The following FAM117B variants were observed in gnomAD, a reference collection of about 807,000 sequenced individuals.
FAM117B encodes protein FAM117B.
A neutral mutation model predicts 52.8 loss-of-function variants in FAM117B; 22 were observed. The observed-to-expected ratio is 0.42, with a 90% CI of 0.30 to 0.59. The LOEUF (loss-of-function observed/expected upper bound fraction) is 0.59. Among genes scored for constraint, FAM117B ranks in the 20% least tolerant of loss-of-function variants. The pLI is 0.22. For synonymous variants in FAM117B, 309 were observed against 324.1 expected (o/e 0.95, Z 0.50); for missense variants, 678 against 802.6 (o/e 0.84, Z 1.88).
intron 1 of FAM117B, among the ~76,000 whole-genome samples, chr2:202,648,182 A>G (rs1689897981): frequency 1.3e-5 from 2 of 152,180 alleles, no homozygotes; most frequent in Admixed American, 6.5e-5. Context: ...GTTTCTTTGT[A>G]TAATTCCAGA....
Position 202,757,088 on chromosome 2 carries a change from A to G in FAM117B, c.1105-125A>G. 6 of 966,714 alleles carry G rather than the reference A, an allele frequency of 6.2e-6. No homozygotes were observed. The East Asian group carries it at 1.1e-4, about 17-fold the overall frequency. The allele number at this position is 966,714 out of a possible 1,614,324, so 59.9% of individuals were successfully genotyped here. A position where few individuals can be genotyped will look rare whatever the true frequency, so the allele number is the denominator to read the frequency against. On this transcript the variant is annotated intron_variant, in intron 5 of 7. Transcript: ENST00000392238. ...CACTAACGTGCAACATGAAATCCTAATAAGTAGGAAGGGATTTCTGATTTG... is the reference window on the plus strand; with the variant it reads ...CACTAACGTGCAACATGAAATCCTAGTAAGTAGGAAGGGATTTCTGATTTG...
intron 2 of FAM117B, among the ~76,000 whole-genome samples, chr2:202,716,418 T>C (rs1180402422): frequency 6.6e-6 from 1 of 152,208 alleles, no homozygotes; most frequent in East Asian, 1.9e-4. Flanking sequence ...TCCTGCCATT[T>C]TGTTATTTGT....
intron 1 of FAM117B, among the ~76,000 whole-genome samples, chr2:202,670,319 C>T (rs1054255014): frequency 1.4e-5 from 2 of 144,430 alleles, no homozygotes; most frequent in African/African-American, 5.5e-5. Context: ...GAGATGGAGT[C>T]TAGCTTGTCA....
chr2:202,682,951 C>T (rs1213972912), intron 1 of FAM117B, among the ~76,000 whole-genome samples: 1 of 152,124 alleles, frequency 6.6e-6, no homozygotes, highest in Admixed American at 6.5e-5. Flanking sequence ...ATTTAAGCAC[C>T]TACCTTAATC....
chr2:202,758,600 T>G lies in FAM117B; in HGVS notation c.1331-633T>G, dbSNP rs77936959. 2.8e-3 allele frequency among the ~76,000 whole-genome samples: 420 copies of G among 152,310 alleles called. 2 individuals are homozygous for G. Among genetic ancestry groups the G allele is most frequent in the Admixed American group, 4.1e-3 (63 of 15,286 alleles). On this transcript the variant is annotated intron_variant, in intron 6 of 7. Coordinates refer to ENST00000392238, the MANE Select transcript of FAM117B (RefSeq NM_173511.4). ...GAACAGATATTTAACATATTAAAAT[T>G]TTTAAGTTAATATAAATTGAGGATA... is the stretch of plus-strand genomic sequence containing the variant.
intron 1 of FAM117B, among the ~76,000 whole-genome samples, chr2:202,671,852 A>G (rs1044569794): frequency 1.3e-5 from 2 of 152,124 alleles, no homozygotes; most frequent in African/African-American, 4.8e-5. Context: ...ATGGTTTATC[A>G]TGTTCAATAT....
chr2:202,738,352 A>G (rs1241822041), intron 4 of FAM117B, among the ~76,000 whole-genome samples: 1 of 152,156 alleles, frequency 6.6e-6, no homozygotes, highest in Non-Finnish European at 1.5e-5. Context: ...AATCAGAACA[A>G]CCTACTTATA....
intron 1 of FAM117B, among the ~76,000 whole-genome samples, chr2:202,665,141 C>T (rs571348054): frequency 2.6e-5 from 4 of 151,454 alleles, no homozygotes; most frequent in East Asian, 3.9e-4. Context: ...AGCTCTGAGG[C>T]GGCTCTCATA....
At chr2:202,644,293 T>C (rs968707210) in intron 1 of FAM117B, among the ~76,000 whole-genome samples, 1 of 152,156 alleles carries the variant, frequency 6.6e-6, no homozygotes, top group Non-Finnish European at 1.5e-5. Flanking sequence ...TTTTGTGGTC[T>C]TTGAGGTTAA....
intron 7 of FAM117B, 95 bp downstream of exon 7, chr2:202,759,448 G>A: frequency 6.9e-7 from 1 of 1,456,472 alleles, no homozygotes; most frequent in Non-Finnish European, 9.2e-7. Flanking sequence ...GGACTGCACT[G>A]ATGCAGTCAC....
At chr2:202,714,062 G>A (rs1390445933) in intron 2 of FAM117B, among the ~76,000 whole-genome samples, 3 of 152,058 alleles carry the variant, frequency 2.0e-5, no homozygotes. Flanking sequence ...TTTCTTCATT[G>A]ACCCATTGGT....
intron 1 of FAM117B, among the ~76,000 whole-genome samples, chr2:202,694,188 CTTTT>C (rs757843381): frequency 1.5e-4 from 15 of 99,096 alleles, no homozygotes; most frequent in African/African-American, 6.6e-4. Flanking sequence ...AAACCCACTT[CTTTT>C]TTTTTTTTTT....
At chr2:202,721,083 A>G (rs1691144475) in intron 2 of FAM117B, among the ~76,000 whole-genome samples, 1 of 152,206 alleles carries the variant, frequency 6.6e-6, no homozygotes, top group Non-Finnish European at 1.5e-5. Context: ...AAATAGAGGG[A>G]TTCCCTCTTA....
At chr2:202,689,094 A>G (rs1477812864) in intron 1 of FAM117B, among the ~76,000 whole-genome samples, 1 of 152,236 alleles carries the variant, frequency 6.6e-6, no homozygotes, top group Non-Finnish European at 1.5e-5. Context: ...TTTATATAAA[A>G]TCATATGTAT....
intron 2 of FAM117B, among the ~76,000 whole-genome samples, chr2:202,723,522 C>T (rs756574817): frequency 2.6e-5 from 4 of 152,080 alleles, no homozygotes; most frequent in African/African-American, 7.2e-5. Context: ...GCTATACACA[C>T]GGTACTGAGC....
chr2:202,635,371 GGCGGC>G lies in FAM117B; in HGVS notation c.185_189del (p.Gly62GlufsTer139). 1 of 1,370,544 alleles carries G rather than the reference GGCGGC, an allele frequency of 7.3e-7. No homozygotes were observed. Among genetic ancestry groups the G allele is most frequent in the Non-Finnish European group, 9.4e-7 (1 of 1,064,222 alleles). 84.9% of individuals were successfully genotyped at this position (1,370,544 alleles called of 1,614,324 possible). A position where few individuals can be genotyped will look rare whatever the true frequency, so the allele number is the denominator to read the frequency against. On this transcript the variant is annotated frameshift_variant, in exon 1 of 8. Coordinates refer to ENST00000392238, the MANE Select transcript of FAM117B (RefSeq NM_173511.4). LOFTEE classifies it high-confidence loss of function. ...CCCCACGCGGAGCGGCGGCGGCGGC[GGCGGC>G]AACAACAACGGTGGCTGCTGTGGTG...
chr2:202,753,906 G>A (rs1410514787), intron 4 of FAM117B, among the ~76,000 whole-genome samples: 1 of 152,178 alleles, frequency 6.6e-6, no homozygotes, highest in African/African-American at 2.4e-5. Flanking sequence ...GGAGAAATAG[G>A]AATGCTTTTA....
intron 1 of FAM117B, among the ~76,000 whole-genome samples, chr2:202,638,466 G>C (rs977316518): frequency 6.6e-6 from 1 of 152,136 alleles, no homozygotes; most frequent in Non-Finnish European, 1.5e-5. Flanking sequence ...TTCCTGGGAT[G>C]TCAGGCTACT....
intron 4 of FAM117B, among the ~76,000 whole-genome samples, chr2:202,751,142 C>G (rs1345397434): frequency 6.6e-6 from 1 of 152,120 alleles, no homozygotes. Context: ...TTTCTGTTTG[C>G]AAATTTGCAA....
Sources: allele counts gnomAD v4.1 joint callset (sites outside exome capture counted in the v4.1 genomes callset), GRCh38; gene constraint gnomAD v4.1.1; transcripts MANE v1.5; gene names NCBI Gene and HGNC (gene_info 2026-07-23, HGNC 2026-07-21).